The following STPG2 variants were observed in gnomAD, a reference collection of about 807,000 sequenced individuals.
The protein encoded by STPG2 is sperm tail PG-rich repeat containing 2, also known as sperm-tail PG-rich repeat-containing protein 2.
In STPG2, 56 loss-of-function variants were observed where a neutral mutation model predicts 54.2. The ratio of observed to expected loss-of-function variants is 1.03; its 90% confidence interval spans 0.83 to 1.29. The LOEUF (loss-of-function observed/expected upper bound fraction) is 1.29, where lower values mean the gene tolerates loss of function less well. Among genes scored for constraint, STPG2 ranks in the 50% most tolerant of loss-of-function variants. The pLI is 0.00. For missense variants in STPG2, 596 were observed against 544.9 expected (o/e 1.09, Z -0.93); for synonymous variants, 200 against 181.8 (o/e 1.10, Z -0.81).
Position 98,062,893 on chromosome 4 carries a change from GTTA to G in STPG2, c.612+43057_612+43059del, listed in dbSNP as rs573584977. On this transcript the variant is annotated intron_variant, in intron 5 of 10. Coordinates refer to ENST00000295268, the MANE Select transcript of STPG2 (RefSeq NM_174952.3). ...AACTGCCTAAAGTAGTAATTATATA[GTTA>G]TTATCTTCTTTTTTTAATTTTATAA... Among the ~76,000 whole-genome samples, 638 of 151,926 alleles carry G rather than the reference GTTA, an allele frequency of 4.2e-3. 3 individuals carry two copies. The highest frequency in any genetic ancestry group is 0.024 in the South Asian group (117 of 4,812).
At chr4:97,791,114 T>C (rs1469235632) in intron 9 of STPG2, among the ~76,000 whole-genome samples, 1 of 152,166 alleles carries the variant, frequency 6.6e-6, no homozygotes, top group Non-Finnish European at 1.5e-5. Flanking sequence ...CATAGGTTCA[T>C]TTGAATTTGT....
At chr4:97,502,328 C>T (rs1260128200) in intron 4 of STPG2, among the ~76,000 whole-genome samples, 1 of 151,868 alleles carries the variant, frequency 6.6e-6, no homozygotes, top group East Asian at 1.9e-4. Context: ...AACAAGTCAA[C>T]TTCAAAAAGA....
chr4:97,634,848 C>A (rs1380296466), intron 10 of STPG2, among the ~76,000 whole-genome samples: 1 of 150,254 alleles, frequency 6.7e-6, no homozygotes, highest in Admixed American at 6.6e-5. Flanking sequence ...TGTGAAAAGA[C>A]CAAATCTACG....
rs191518269 is a variant in STPG2, at chr4:97,827,636, G to A, written c.1204+13137C>T. Among the ~76,000 whole-genome samples, 47 of 152,272 alleles carry A rather than the reference G, an allele frequency of 3.1e-4. 1 individual carries two copies. Among genetic ancestry groups the A allele is most frequent in the Admixed American group, 1.3e-3 (20 of 15,288 alleles). ...TTTCTCCAAAATTGGAAAACAAGCC[G>A]TGGGTATTCTTAACTTATGGCAATA... On this transcript the variant is annotated intron_variant, in intron 9 of 10. Coordinates refer to ENST00000295268, the MANE Select transcript of STPG2 (RefSeq NM_174952.3).
intron 10 of STPG2, among the ~76,000 whole-genome samples, chr4:97,661,454 A>G (rs970936811): frequency 8.5e-5 from 13 of 152,264 alleles, no homozygotes; most frequent in Admixed American, 5.9e-4. Flanking sequence ...CATATCCATC[A>G]TATCATTTCC....
intron 8 of STPG2, among the ~76,000 whole-genome samples, chr4:97,930,186 C>A (rs1351494033): frequency 1.3e-5 from 2 of 152,266 alleles, no homozygotes; most frequent in African/African-American, 2.4e-5. Flanking sequence ...CATGAGCCAC[C>A]ATGCCCAGCC....
intron 4 of STPG2, among the ~76,000 whole-genome samples, chr4:97,449,546 G>A (rs566346442): frequency 2.0e-5 from 3 of 152,244 alleles, no homozygotes; most frequent in South Asian, 2.1e-4. Context: ...ATTAAAGAAC[G>A]AAATTAATGG....
intron 3 of STPG2, among the ~76,000 whole-genome samples, chr4:98,116,189 T>C (rs962665790): frequency 2.0e-5 from 3 of 151,708 alleles, no homozygotes; most frequent in Non-Finnish European, 2.9e-5. Flanking sequence ...AAGGATTTTA[T>C]ACATGCAGGG....
intron 10 of STPG2, among the ~76,000 whole-genome samples, chr4:97,588,422 G>A (rs552089664): frequency 1.3e-5 from 2 of 152,104 alleles, no homozygotes; most frequent in Admixed American, 1.3e-4. Flanking sequence ...CTATCTTAGT[G>A]TGTATTGAAT....
At chr4:97,472,716 TG>T (rs1275132780) in intron 4 of STPG2, among the ~76,000 whole-genome samples, 1 of 152,166 alleles carries the variant, frequency 6.6e-6, no homozygotes, top group Non-Finnish European at 1.5e-5. Flanking sequence ...GAGCCCTAAA[TG>T]CATGTTACTA....
intron 10 of STPG2, among the ~76,000 whole-genome samples, chr4:97,664,175 C>A (rs1398911377): frequency 2.0e-5 from 3 of 152,102 alleles, no homozygotes; most frequent in Non-Finnish European, 4.4e-5. Flanking sequence ...CTCATTTAAT[C>A]TTCACAAAAC....
At chr4:97,860,229 T>G (rs1404592814) in intron 8 of STPG2, among the ~76,000 whole-genome samples, 2 of 152,136 alleles carry the variant, frequency 1.3e-5, no homozygotes, top group Non-Finnish European at 2.9e-5. Flanking sequence ...TTGTTCCATA[T>G]GAATTTTAGA....
chr4:97,981,106 A>G, intron 6 of STPG2, 53 bp downstream of exon 6: 1 of 1,568,566 alleles, frequency 6.4e-7, no homozygotes, highest in South Asian at 1.2e-5. Flanking sequence ...TGTTAAGAAC[A>G]TTAAGTTTCT....
intron 10 of STPG2, among the ~76,000 whole-genome samples, chr4:97,637,619 T>G (rs1473569646): frequency 6.6e-6 from 1 of 152,198 alleles, no homozygotes; most frequent in Non-Finnish European, 1.5e-5. Flanking sequence ...AAAATCTCCT[T>G]AAGCTGATAA....
At chr4:98,014,617 C>T (rs1735871859) in intron 5 of STPG2, among the ~76,000 whole-genome samples, 1 of 152,030 alleles carries the variant, frequency 6.6e-6, no homozygotes, top group Admixed American at 6.6e-5. Context: ...TACTTTTAAC[C>T]TCTATATTAT....
chr4:98,031,090 C>T (rs779860970), intron 5 of STPG2, among the ~76,000 whole-genome samples: 1 of 152,014 alleles, frequency 6.6e-6, no homozygotes, highest in East Asian at 1.9e-4. Flanking sequence ...AATAGAGAAC[C>T]CAGAAATAAA....
chr4:97,974,912 C>T (rs1339796196), intron 6 of STPG2, among the ~76,000 whole-genome samples: 3 of 152,130 alleles, frequency 2.0e-5, no homozygotes, highest in African/African-American at 7.2e-5. Flanking sequence ...AAGTGTCCAT[C>T]AGCTGATGAA....
intron 4 of STPG2, among the ~76,000 whole-genome samples, chr4:97,485,371 A>C (rs1402913558): frequency 6.6e-6 from 1 of 151,940 alleles, no homozygotes; most frequent in African/African-American, 2.4e-5. Flanking sequence ...TTCTGGATAC[A>C]AGATTAATGT....
chr4:97,896,890 T>C (rs1449440395), intron 8 of STPG2, among the ~76,000 whole-genome samples: 2 of 151,742 alleles, frequency 1.3e-5, no homozygotes, highest in Non-Finnish European at 3.0e-5. Flanking sequence ...ACTTATCTTT[T>C]TCCTTCTGCT....
Sources: allele counts gnomAD v4.1 joint callset (sites outside exome capture counted in the v4.1 genomes callset), GRCh38; gene constraint gnomAD v4.1.1; transcripts MANE v1.5; gene names NCBI Gene and HGNC (gene_info 2026-07-23, HGNC 2026-07-21).